PRORP: variants seen among roughly 807,000 people sequenced by gnomAD.
PRORP encodes the protein protein only RNase P catalytic subunit.
In PRORP, 51 loss-of-function variants were observed where a neutral mutation model predicts 59.4. The observed-to-expected ratio is 0.86, with a 90% confidence interval of 0.69 to 1.08. The LOEUF (loss-of-function observed/expected upper bound fraction) is 1.08, where lower values mean the gene tolerates loss of function less well. Among genes scored for constraint, PRORP ranks in the 50% least tolerant of loss-of-function variants. PRORP has a pLI of 0.00. For missense variants in PRORP, 646 were observed against 690.3 expected (o/e 0.94, Z 0.72); for synonymous variants, 231 against 245.6 (o/e 0.94, Z 0.55).
intron 5 of PRORP, among the ~76,000 whole-genome samples, chr14:35,236,090 CA>C (rs1373629366): frequency 3.4e-5 from 4 of 117,690 alleles, no homozygotes; most frequent in African/African-American, 1.3e-4. Context: ...AGCAAGACCC[CA>C]TCTCCAAAAA....
chr14:35,152,351 C>T (rs1332250200), intron 4 of PRORP, among the ~76,000 whole-genome samples: 2 of 152,252 alleles, frequency 1.3e-5, no homozygotes, highest in East Asian at 3.8e-4. Flanking sequence ...GACACAGCAA[C>T]AATCTGATTT....
chr14:35,163,549 C>G (rs1206440987), intron 4 of PRORP, among the ~76,000 whole-genome samples: 1 of 152,114 alleles, frequency 6.6e-6, no homozygotes, highest in Admixed American at 6.5e-5. Context: ...TGTTTATTAG[C>G]CACTTGTATG....
chr14:35,130,775 C>T (rs1025122973), intron 4 of PRORP, among the ~76,000 whole-genome samples: 2 of 151,922 alleles, frequency 1.3e-5, no homozygotes, highest in African/African-American at 4.8e-5. Context: ...TGAGCTACTG[C>T]ACCCGGCCTA....
chr14:35,201,794 A>C (rs2049158256), intron 5 of PRORP, among the ~76,000 whole-genome samples: 1 of 150,982 alleles, frequency 6.6e-6, no homozygotes, highest in South Asian at 2.1e-4. Context: ...AATAGCTGGG[A>C]TTGCAGGTGT....
chr14:35,199,357 A>G (rs1014477644), intron 5 of PRORP, among the ~76,000 whole-genome samples: 1 of 150,306 alleles, frequency 6.7e-6, no homozygotes, highest in African/African-American at 2.4e-5. Context: ...AAAAAAAATT[A>G]TAGTGAGTAC....
At chr14:35,185,404 A>C (rs780772469) in intron 5 of PRORP, among the ~76,000 whole-genome samples, 1 of 152,122 alleles carries the variant, frequency 6.6e-6, no homozygotes, top group Non-Finnish European at 1.5e-5. Context: ...TTTTAACCTA[A>C]ATCTTAACTT....
intron 4 of PRORP, among the ~76,000 whole-genome samples, chr14:35,147,649 TA>T (rs2047644208): frequency 6.6e-6 from 1 of 152,228 alleles, no homozygotes; most frequent in East Asian, 1.9e-4. Flanking sequence ...GGCAATTTCT[TA>T]AAATAAGACA....
At chr14:35,226,256 C>T (rs2049931275) in intron 5 of PRORP, among the ~76,000 whole-genome samples, 1 of 152,200 alleles carries the variant, frequency 6.6e-6, no homozygotes, top group Non-Finnish European at 1.5e-5. Flanking sequence ...GATACTATGA[C>T]AGATGCAAAG....
chr14:35,157,916 A>G (rs1282654863), intron 4 of PRORP: 1 of 178,366 alleles, frequency 5.6e-6, no homozygotes, highest in Non-Finnish European at 1.2e-5. Context: ...AGATCTCTTT[A>G]TTCTTTTTCT....
rs529766408 is a variant in PRORP at position 35,217,625 on chromosome 14, A to T, written c.1275+36848A>T. Among the ~76,000 whole-genome samples the T allele has an allele frequency of 2.7e-5, 4 of 150,804 alleles. No homozygotes were observed. In the South Asian group the frequency reaches 8.4e-4, roughly 32 times the overall value. ...TTTTTCTCTTTGAGTTGATTTTTGTACTTGGTATGAGTCCAACTTCACTTT... is the reference window on the plus strand; with the variant it reads ...TTTTTCTCTTTGAGTTGATTTTTGTTCTTGGTATGAGTCCAACTTCACTTT... On this transcript the variant is annotated intron_variant, in intron 5 of 7. Coordinates refer to ENST00000534898, the MANE Select transcript of PRORP (RefSeq NM_014672.4).
At chr14:35,152,715 G>A (rs1164715071) in intron 4 of PRORP, among the ~76,000 whole-genome samples, 3 of 151,304 alleles carry the variant, frequency 2.0e-5, no homozygotes, top group Admixed American at 6.6e-5. Context: ...CTTCTCAGAC[G>A]GGTCGGCCGG....
chr14:35,267,236 G>A (rs1411711318), intron 6 of PRORP, among the ~76,000 whole-genome samples: 2 of 152,138 alleles, frequency 1.3e-5, no homozygotes, highest in African/African-American at 4.8e-5. Flanking sequence ...AGAAAGAGCA[G>A]TGAAAAAGAC....
chr14:35,235,983 C>T (rs1009765367), intron 5 of PRORP, among the ~76,000 whole-genome samples: 2 of 151,236 alleles, frequency 1.3e-5, no homozygotes, highest in African/African-American at 4.9e-5. Flanking sequence ...ATAGTCCCAG[C>T]TACTGGGGAG....
intron 4 of PRORP, among the ~76,000 whole-genome samples, chr14:35,139,483 C>T (rs539570245): frequency 1.4e-5 from 2 of 144,876 alleles, no homozygotes; most frequent in Admixed American, 1.4e-4. Flanking sequence ...TGGAATCATA[C>T]AATATATACT....
At chr14:35,271,906 A>T (rs942610295) in intron 7 of PRORP, among the ~76,000 whole-genome samples, 9 of 152,124 alleles carry the variant, frequency 5.9e-5, no homozygotes, top group Admixed American at 2.6e-4. Flanking sequence ...TGTGCCTATA[A>T]TCCCAGCTAC....
At chr14:35,181,787 A>C in intron 5 of PRORP, among the ~76,000 whole-genome samples, 1 of 150,950 alleles carries the variant, frequency 6.6e-6, no homozygotes. Flanking sequence ...CTGTCTCAAA[A>C]AAAAAAAAAA....
intron 6 of PRORP, 67 bp downstream of exon 6, chr14:35,266,942 A>G: frequency 2.0e-6 from 3 of 1,520,416 alleles, no homozygotes; most frequent in Non-Finnish European, 2.7e-6. Flanking sequence ...TTAGTTACCT[A>G]CTTTAAACCT....
At chr14:35,216,653 T>C (rs905892307) in intron 5 of PRORP, among the ~76,000 whole-genome samples, 4 of 152,252 alleles carry the variant, frequency 2.6e-5, no homozygotes, top group Admixed American at 6.5e-5. Context: ...TTCTCTTTAG[T>C]ATATATGTAG....
chr14:35,183,749 T>A (rs2048675833), intron 5 of PRORP, among the ~76,000 whole-genome samples: 1 of 152,188 alleles, frequency 6.6e-6, no homozygotes, highest in South Asian at 2.1e-4. Flanking sequence ...GGTTACTTAT[T>A]ACATGATTGT....
Sources: allele counts gnomAD v4.1 joint callset (sites outside exome capture counted in the v4.1 genomes callset), GRCh38; gene constraint gnomAD v4.1.1; transcripts MANE v1.5; gene names NCBI Gene and HGNC (gene_info 2026-07-23, HGNC 2026-07-21).